Variants in MITF observed in about 807,000 individuals in gnomAD.
MITF encodes microphthalmia-associated transcription factor.
In MITF, 17 loss-of-function variants were observed where a neutral mutation model predicts 60.5. That is an observed-to-expected ratio of 0.28 (90% CI 0.19 to 0.42). The LOEUF (loss-of-function observed/expected upper bound fraction) is 0.42, where lower values mean the gene tolerates loss of function less well. Among genes scored for constraint, MITF ranks in the 10% least tolerant of loss-of-function variants. MITF has a pLI of 1.00. For missense variants in MITF, 622 were observed against 683.5 expected, an observed-to-expected ratio of 0.91 and a Z score of 1.00; for synonymous variants, 260 against 248.5, an observed-to-expected ratio of 1.05 and a Z score of -0.43.
chr3:69,786,222 T>C (rs1175481527), intron 1 of MITF, among the ~76,000 whole-genome samples: 1 of 152,156 alleles, frequency 6.6e-6, no homozygotes, highest in African/African-American at 2.4e-5. Context: ...CAGATTTAAA[T>C]AGTTGGGACT....
intron 1 of MITF, among the ~76,000 whole-genome samples, chr3:69,789,488 T>C (rs2062704702): frequency 6.6e-6 from 1 of 152,134 alleles, no homozygotes; most frequent in Non-Finnish European, 1.5e-5. Context: ...AAATAATGAC[T>C]CTTGTTGAGA....
chr3:69,903,091 T>C (rs958247770), intron 2 of MITF, among the ~76,000 whole-genome samples: 2 of 152,180 alleles, frequency 1.3e-5, no homozygotes, highest in Non-Finnish European at 2.9e-5. Flanking sequence ...TATTTTTAAT[T>C]ATTATGAAAC....
intron 1 of MITF, among the ~76,000 whole-genome samples, chr3:69,750,718 G>A (rs1458332598): frequency 6.6e-6 from 1 of 152,036 alleles, no homozygotes; most frequent in Non-Finnish European, 1.5e-5. Flanking sequence ...TTTCTGACAT[G>A]TTTCTAAGTG....
intron 7 of MITF, among the ~76,000 whole-genome samples, chr3:69,953,732 G>A (rs1253260641): frequency 4.6e-5 from 7 of 151,106 alleles, no homozygotes; most frequent in Non-Finnish European, 5.9e-5. Flanking sequence ...GAGAGAGAGC[G>A]CCCCTGTTTT....
At position 69,756,934 on chromosome 3, in the gene MITF, T is replaced by C. The variant is rs533985640; in HGVS notation, c.104+17233T>C. On this transcript the variant is annotated intron_variant, in intron 1 of 9. Transcript: ENST00000352241. The stretch of plus-strand genomic sequence containing the variant: ...TTTGTTGGCCGCATAAATGTCTTCT[T>C]TTGAGAAGTGTCTGTTGATATCCTT... Among the ~76,000 whole-genome samples, 5 of 152,346 alleles carry C rather than the reference T, an allele frequency of 3.3e-5. No homozygotes were observed. In the East Asian group the frequency reaches 9.7e-4, roughly 29 times the overall value.
chr3:69,898,218 A>G (rs1241467076), intron 2 of MITF, among the ~76,000 whole-genome samples: 1 of 152,238 alleles, frequency 6.6e-6, no homozygotes, highest in Non-Finnish European at 1.5e-5. Context: ...TGTGATCTGA[A>G]GAGTGAGTGA....
intron 8 of MITF, 35 bp from the exon 9 acceptor site, chr3:69,959,238 C>G (rs757927477): frequency 6.2e-7 from 1 of 1,612,406 alleles, no homozygotes; most frequent in African/African-American, 1.3e-5. Flanking sequence ...GCCTCAAATC[C>G]TAAAAATATC....
At chr3:69,865,328 A>T (rs1360207985) in intron 1 of MITF, among the ~76,000 whole-genome samples, 1 of 152,214 alleles carries the variant, frequency 6.6e-6, no homozygotes, top group African/African-American at 2.4e-5. Context: ...GCAGCTAGTC[A>T]GTGTCAGATG....
At chr3:69,759,101 T>G (rs1215264750) in intron 1 of MITF, among the ~76,000 whole-genome samples, 1 of 152,238 alleles carries the variant, frequency 6.6e-6, no homozygotes, top group African/African-American at 2.4e-5. Context: ...AAATACTGAA[T>G]GATTACTACT....
intron 5 of MITF, among the ~76,000 whole-genome samples, chr3:69,943,418 T>C (rs2066017205): frequency 1.3e-5 from 2 of 152,146 alleles, no homozygotes; most frequent in African/African-American, 4.8e-5. Context: ...AAACCCTACA[T>C]TTCCCCATCT....
At chr3:69,937,063 A>C (rs1422773277) in intron 2 of MITF, 5 of 270,872 alleles carry the variant, frequency 1.8e-5, no homozygotes, top group Admixed American at 1.5e-4. Flanking sequence ...AAATTGAATA[A>C]TGTTGTTTTT....
intron 2 of MITF, among the ~76,000 whole-genome samples, chr3:69,927,485 A>G (rs1246688955): frequency 6.6e-6 from 1 of 152,172 alleles, no homozygotes; most frequent in Non-Finnish European, 1.5e-5. Context: ...ATGTATACCT[A>G]TGTAACAAAC....
intron 5 of MITF, among the ~76,000 whole-genome samples, chr3:69,946,974 T>C (rs1466559372): frequency 6.6e-6 from 1 of 152,176 alleles, no homozygotes; most frequent in African/African-American, 2.4e-5. Context: ...CTCTCAGTCA[T>C]GTACATATCT....
intron 2 of MITF, among the ~76,000 whole-genome samples, chr3:69,890,561 A>G (rs1575894363): frequency 6.6e-6 from 1 of 152,056 alleles, no homozygotes; most frequent in African/African-American, 2.4e-5. Context: ...GATATTGAAA[A>G]CTAGGTTTTT....
At position 69,937,989 on chromosome 3, in the gene MITF, G is replaced by C; in HGVS notation, c.522G>C (p.Gly174=). 1 of 1,614,158 alleles carries C rather than the reference G, an allele frequency of 6.2e-7. No individual in the cohort carries two copies. Among genetic ancestry groups the C allele is most frequent in the East Asian group, 2.2e-5 (1 of 44,854 alleles). The change falls in exon 3 of 10, where the codon GGG becomes GGC. Residue 174 remains glycine (G), a synonymous_variant. Transcript: ENST00000352241. ...ATCATGTCATGCCACCGGTGCCGGG[G>C]AGCAGCGCACCCAACAGCCCCATGG... The part of the protein sequence containing the change: ...PGDHVMPPVP[G]SSAPNSPMAM...
intron 1 of MITF, among the ~76,000 whole-genome samples, chr3:69,838,213 C>A (rs1021091949): frequency 6.6e-6 from 1 of 152,084 alleles, no homozygotes; most frequent in Non-Finnish European, 1.5e-5. Context: ...GTAGGCTATG[C>A]GTTTCACATT....
intron 1 of MITF, among the ~76,000 whole-genome samples, chr3:69,820,999 G>T (rs1298940607): frequency 1.3e-5 from 2 of 151,998 alleles, no homozygotes; most frequent in African/African-American, 4.8e-5. Flanking sequence ...AAAAATTTCA[G>T]CCTCGTTGTA....
intron 1 of MITF, among the ~76,000 whole-genome samples, chr3:69,797,065 A>G (rs564715612): frequency 1.3e-5 from 2 of 152,326 alleles, no homozygotes; most frequent in East Asian, 3.9e-4. Context: ...TAAGTTTATA[A>G]ATTATTTTTA....
rs199779059 is a variant in MITF at position 69,959,269 on chromosome 3, G to T, written c.1032-4G>T. ...ATATCTGTTTTCCTCCATTTTCATC[G>T]CAGAGACATGCGCTGGAACAAGGGA... On this transcript the variant is annotated splice_region_variant and splice_polypyrimidine_tract_variant and intron_variant, in intron 8 of 9. Coordinates refer to ENST00000352241, the MANE Select transcript of MITF (RefSeq NM_001354604.2). The T allele has an allele frequency of 6.2e-7, 1 of 1,613,734 alleles. No homozygotes were observed. The highest frequency in any genetic ancestry group is 1.3e-5 in the African/African-American group (1 of 74,874).
Sources: gnomAD v4.1 joint callset for allele counts (sites outside exome capture counted in the v4.1 genomes callset) on GRCh38, gnomAD v4.1.1 for gene constraint, MANE v1.5 for transcripts, NCBI Gene and HGNC (gene_info 2026-07-23, HGNC 2026-07-21) for gene names.